P2RX6: variants seen among roughly 807,000 people sequenced by gnomAD.
P2RX6 encodes P2X purinoceptor 6.
P2RX6 carries 62 observed loss-of-function variants against 54.2 expected under a neutral mutation model. The observed-to-expected ratio is 1.14, with a 90% CI of 0.93 to 1.41. The LOEUF is 1.41. P2RX6 is among the 40% of genes most tolerant of loss of function. The pLI, the probability that P2RX6 is intolerant of heterozygous loss-of-function variation, is 0.00. For synonymous variants in P2RX6, 211 were observed against 231.9 expected (o/e 0.91, Z 0.82); for missense variants, 541 against 566.3 (o/e 0.96, Z 0.45).
In P2RX6 at chr22:21,026,509, C is replaced by T. The variant is rs1369565234; in HGVS notation, c.1218C>T (p.Ser406=). 1.3e-6 allele frequency: 2 copies of T among 1,595,158 alleles called. No individual in the cohort carries two copies. The highest frequency in any genetic ancestry group is 8.5e-7 in the Non-Finnish European group (1 of 1,171,580). Residue 406 remains serine, a synonymous_variant, in exon 12 of 12, where the codon AGC becomes AGT. Transcript: ENST00000413302. This position sits in a 1 kb window ranked among gnomAD's most constrained non-coding sequence, Gnocchi z 4.0. Reference sequence around the variant, plus strand: ...GACTGGCCGAGTGCCTCAGACGGAGCTCAGCACCTGCACCCACGGCCACTG... The same window carrying T: ...GACTGGCCGAGTGCCTCAGACGGAGTTCAGCACCTGCACCCACGGCCACTG... ...QARLAECLRR[S]SAPAPTATAA... is the part of the protein sequence containing the mutation.
intron 8 of P2RX6, 132 bp from the exon 9 acceptor site, chr22:21,025,673 C>A: frequency 1.5e-6 from 1 of 659,160 alleles, no homozygotes; most frequent in Non-Finnish European, 2.7e-6. Context: ...TTACATAGGG[C>A]TGAGACCCAG....
chr22:21,017,034 C>T (rs982385253), intron 2 of P2RX6, among the ~76,000 whole-genome samples: 1 of 152,176 alleles, frequency 6.6e-6, no homozygotes, highest in Non-Finnish European at 1.5e-5. Flanking sequence ...CCCTTCCTGT[C>T]CCTTCCAAGA....
At chr22:21,024,370 C>T (rs978136400) in intron 8 of P2RX6, among the ~76,000 whole-genome samples, 17 of 151,882 alleles carry the variant, frequency 1.1e-4, no homozygotes, top group African/African-American at 3.1e-4. Flanking sequence ...TTCCGCTTCC[C>T]GTGTTCACGC....
At chr22:21,022,090 G>A (rs1442309522) in intron 3 of P2RX6, among the ~76,000 whole-genome samples, 1 of 152,182 alleles carries the variant, frequency 6.6e-6, no homozygotes, top group East Asian at 1.9e-4. Context: ...GGAAGGGGCA[G>A]GGTGCGTTGT....
chr22:21,011,122 G>T (rs1037941882), upstream of P2RX6, among the ~76,000 whole-genome samples: 1 of 151,542 alleles, frequency 6.6e-6, no homozygotes, highest in African/African-American at 2.4e-5. Context: ...TTGAGGTCAG[G>T]AACTTGGTTT....
intron 1 of P2RX6, among the ~76,000 whole-genome samples, chr22:21,015,576 C>T (rs1926197639): frequency 6.6e-6 from 1 of 152,142 alleles, no homozygotes; most frequent in South Asian, 2.1e-4. Flanking sequence ...AGGCCCCACC[C>T]AGGGGGCACA....
chr22:21,010,819 C>T (rs1201782359), upstream of P2RX6, among the ~76,000 whole-genome samples: 2 of 152,044 alleles, frequency 1.3e-5, no homozygotes, highest in East Asian at 1.9e-4. Flanking sequence ...GCCCTCTCCA[C>T]CCCACAGCCT....
chr22:21,023,478 C>T (rs1286346261), intron 7 of P2RX6, 31 bp from the exon 8 acceptor site: 4 of 1,613,062 alleles, frequency 2.5e-6, no homozygotes, highest in Admixed American at 1.7e-5. Flanking sequence ...CGGGCCCACC[C>T]ACCGGTGGAA....
In P2RX6 at chr22:21,025,893, G is replaced by A. The variant is rs769112655; in HGVS notation, c.979G>A (p.Gly327Arg). 5 of 1,577,986 alleles carry A rather than the reference G, an allele frequency of 3.2e-6. No homozygotes were observed. Among genetic ancestry groups the A allele is most frequent in the Non-Finnish European group, 3.4e-6 (4 of 1,162,446 alleles). Residue 327 changes from glycine to arginine, a missense_variant, in exon 9 of 12, where the codon GGG becomes AGG. By Grantham distance (125) the Gly-to-Arg change is moderately radical. This residue lies in a region of P2RX6 where 526 missense variants were observed against 531.5 expected (regional missense o/e 0.99). Transcript: ENST00000413302. ...AATCCGCTTCGACATCCTCGTCACC[G>A]GGCAGGTAGGCACAGGTAGGGGTCA... ...YGIRFDILVTGQAGKFGLIPT... is the reference protein window; with the variant it reads ...YGIRFDILVTRQAGKFGLIPT...
In P2RX6 at chr22:21,023,510, G is replaced by T; in HGVS notation, c.782G>T (p.Gly261Val). 5.0e-6 allele frequency: 8 copies of T among 1,613,814 alleles called. No individual in the cohort carries two copies. The highest frequency in any genetic ancestry group is 5.9e-6 in the Non-Finnish European group (7 of 1,179,760). Residue 261 changes from glycine (G) to valine (V), a missense_variant and splice_region_variant, in exon 8 of 12, where the codon GGT becomes GTT. By Grantham distance (109) the Gly-to-Val change is moderately radical. Around this residue, in one of 2 missense-constraint regions of P2RX6, gnomAD observed 526 missense variants for 531.5 expected, o/e 0.99. Coordinates refer to ENST00000413302, the MANE Select transcript of P2RX6 (RefSeq NM_005446.5). Reference sequence around the variant, plus strand: ...GGAAAAGCTATGTGCTATGTGCAGGGTGGCTCTGTAGGCATCAGAGTTCAC... The same window carrying T: ...GGAAAAGCTATGTGCTATGTGCAGGTTGGCTCTGTAGGCATCAGAGTTCAC... The part of the protein sequence containing the change: ...GGTFEDLALL[G>V]GSVGIRVHWD...
rs1050267831 is a variant in P2RX6 at position 21,026,687 on chromosome 22, G to GCCC, written c.*72_*74dup. 9 of 1,511,936 alleles carry GCCC rather than the reference G, an allele frequency of 6.0e-6. No individual in the cohort carries two copies. The highest frequency in any genetic ancestry group is 2.3e-4 in the Middle Eastern group (1 of 4,332). The allele number at this position is 1,511,936 out of a possible 1,614,324, so 93.7% of individuals were successfully genotyped here. A position where few individuals can be genotyped will look rare whatever the true frequency, so the allele number is the denominator to read the frequency against. Reference sequence around the variant, plus strand: ...CCTGCCTGGGGATCTCAAGGATGAGGCCCCAGCATGGAGGATTGGGGGTAG... The same window carrying GCCC: ...CCTGCCTGGGGATCTCAAGGATGAGGCCCCCCCAGCATGGAGGATTGGGGGTAG... On this transcript the variant is annotated 3_prime_UTR_variant, in exon 12 of 12. Coordinates refer to ENST00000413302, the MANE Select transcript of P2RX6 (RefSeq NM_005446.5). The surrounding 1 kb of genome is among the most constrained non-coding windows in gnomAD (Gnocchi z 4.0).
intron 4 of P2RX6, 71 bp from the exon 5 acceptor site, chr22:21,022,871 A>G: frequency 6.6e-7 from 1 of 1,513,972 alleles, no homozygotes; most frequent in South Asian, 1.1e-5. Flanking sequence ...TTCTGCCAAC[A>G]ACCCCCTGGC....
rs1164211286 is a variant in P2RX6 at position 21,015,650 on chromosome 22, A to C, written c.165-292A>C. ...GGCCCCCAGAGAGACCACCAGCTGT[A>C]TCTCGGGTCAGGAGAGTCTGTAAGG... On this transcript the variant is annotated intron_variant, in intron 1 of 11. Transcript: ENST00000413302. 3.3e-5 allele frequency among the ~76,000 whole-genome samples: 5 copies of C among 152,020 alleles called. No homozygotes were observed. The South Asian group carries it at 1.0e-3, about 32-fold the overall frequency.
chr22:21,020,260 C>T (rs1927115093), intron 3 of P2RX6, among the ~76,000 whole-genome samples: 2 of 152,216 alleles, frequency 1.3e-5, no homozygotes, highest in African/African-American at 2.4e-5. Context: ...TGGCTCTTCC[C>T]ATGAAACGTC....
At position 21,027,294 on chromosome 22, in the gene P2RX6, A is replaced by ACT. The variant is rs1928622069; in HGVS notation, c.*677_*678insCT. 6.5e-6 allele frequency: 1 copy of ACT among 152,688 alleles called. No homozygotes were observed. The highest frequency in any genetic ancestry group is 1.5e-5 in the Non-Finnish European group (1 of 68,538). 9.5% of individuals were successfully genotyped at this position (152,688 alleles called of 1,614,324 possible). A position where few individuals can be genotyped will look rare whatever the true frequency, so the allele number is the denominator to read the frequency against. ...TGAGGACCGGCTGCTTTCCAGTGGT[A>ACT]GCCCTTTTGCCATGGAGGTCTGGGA... On this transcript the variant is annotated 3_prime_UTR_variant, in exon 12 of 12. Coordinates refer to ENST00000413302, the MANE Select transcript of P2RX6 (RefSeq NM_005446.5).
intron 8 of P2RX6, among the ~76,000 whole-genome samples, chr22:21,025,371 C>T (rs909926669): frequency 5.3e-5 from 8 of 152,164 alleles, no homozygotes; most frequent in East Asian, 3.9e-4. Flanking sequence ...CCCAGCCCTT[C>T]GAAACCACGT....
intron 3 of P2RX6, 106 bp downstream of exon 3, chr22:21,018,166 T>A: frequency 1.3e-6 from 1 of 742,388 alleles, no homozygotes; most frequent in Non-Finnish European, 2.4e-6. Context: ...AGGCTCAGCC[T>A]GTGCTCGGTG....
In P2RX6 at chr22:21,016,078, G is replaced by C. The variant is rs781503082; in HGVS notation, c.301G>C (p.Val101Leu). The change falls in exon 2 of 12, where the codon GTG becomes CTG. Residue 101 changes from valine to leucine, a missense_variant. Coordinates refer to ENST00000413302, the MANE Select transcript of P2RX6 (RefSeq NM_005446.5). ...GNRLWDVADFVKPPQGENVFF... is the reference protein window; with the variant it reads ...GNRLWDVADFLKPPQGENVFF... ...CCGGCTGTGGGATGTGGCCGACTTC[G>C]TGAAGCCACCTCAGGTGGGGGCCCT... The C allele has an allele frequency of 6.4e-7, 1 of 1,563,404 alleles. No homozygotes were observed. The highest frequency in any genetic ancestry group is 2.4e-5 in the East Asian group (1 of 42,038).
chr22:21,017,605 C>T (rs1393179770), intron 2 of P2RX6, among the ~76,000 whole-genome samples: 1 of 152,190 alleles, frequency 6.6e-6, no homozygotes, highest in Admixed American at 6.5e-5. Flanking sequence ...GTCCCAGCTA[C>T]TTGGGAGGCT....
Sources: allele counts gnomAD v4.1 joint callset (sites outside exome capture counted in the v4.1 genomes callset), GRCh38; gene constraint gnomAD v4.1.1; regional missense constraint gnomAD v4.1.1; non-coding constraint Gnocchi (gnomAD v3.1); transcripts MANE v1.5; gene names NCBI Gene and HGNC (gene_info 2026-07-23, HGNC 2026-07-21).